Variants in TRPM8 observed in about 807,000 individuals in gnomAD.
The protein encoded by TRPM8 is TRPM8 cationic channel.
Under a neutral mutation model 133.7 loss-of-function variants are expected in TRPM8, and 110 were observed. The observed-to-expected ratio is 0.82, with a 90% CI of 0.70 to 0.96. TRPM8 has a LOEUF of 0.96. TRPM8 is among the 40% of genes least tolerant of loss of function. TRPM8 has a pLI of 0.00. For synonymous variants in TRPM8, 535 were observed against 532.3 expected, an observed-to-expected ratio of 1.01 and a Z score of -0.07; for missense variants, 1,291 against 1,379.5, an observed-to-expected ratio of 0.94 and a Z score of 1.02.
intron 8 of TRPM8, 183 bp downstream of exon 8, chr2:233,947,338 G>A (rs1456416224): frequency 6.5e-7 from 1 of 1,541,354 alleles, no homozygotes; most frequent in Admixed American, 2.0e-5. Flanking sequence ...AAGAAGATTT[G>A]GGAGGAGAAT....
intron 17 of TRPM8, among the ~76,000 whole-genome samples, chr2:233,977,494 G>T (rs1298402345): frequency 1.3e-5 from 2 of 152,194 alleles, no homozygotes; most frequent in Admixed American, 1.3e-4. Context: ...GGTTGGGCTG[G>T]GGCAGTGCCT....
chr2:233,985,313 T>A (rs546349971), intron 20 of TRPM8, among the ~76,000 whole-genome samples: 1 of 152,336 alleles, frequency 6.6e-6, no homozygotes, highest in East Asian at 1.9e-4. Flanking sequence ...ATGAGTTGTC[T>A]CAGTTTATGC....
intron 21 of TRPM8, among the ~76,000 whole-genome samples, chr2:233,986,392 T>C (rs1265142612): frequency 6.6e-6 from 1 of 152,246 alleles, no homozygotes; most frequent in Non-Finnish European, 1.5e-5. Context: ...GTAATTCTCC[T>C]TTATATATTT....
intron 5 of TRPM8, among the ~76,000 whole-genome samples, chr2:233,940,281 TG>T (rs35177121): frequency 0.042 from 6,189 of 145,856 alleles, 158 homozygotes; most frequent in Admixed American, 0.076. Flanking sequence ...AATCTAGACA[TG>T]GGTTTTTTTT....
chr2:233,958,761 C>T (rs1331252990), intron 11 of TRPM8, among the ~76,000 whole-genome samples: 3 of 152,174 alleles, frequency 2.0e-5, no homozygotes. Flanking sequence ...CTTGACAACT[C>T]CTTCTCTAGG....
chr2:234,016,074 G>A (rs1050841958), intron 25 of TRPM8, among the ~76,000 whole-genome samples: 2 of 152,058 alleles, frequency 1.3e-5, no homozygotes, highest in African/African-American at 4.8e-5. Flanking sequence ...TGAGTAAAAC[G>A]GGCAGACAGA....
intron 1 of TRPM8, among the ~76,000 whole-genome samples, chr2:233,923,300 T>G (rs1691446206): frequency 6.6e-6 from 1 of 152,256 alleles, no homozygotes; most frequent in Admixed American, 6.5e-5. Context: ...GGGGAAGATT[T>G]ATTCTGTTGA....
intron 22 of TRPM8, among the ~76,000 whole-genome samples, chr2:234,005,483 C>G (rs1000080152): frequency 7.9e-5 from 12 of 152,166 alleles, no homozygotes; most frequent in African/African-American, 2.9e-4. Context: ...TGGACTCTCT[C>G]ATTGATTTTG....
At chr2:233,965,703 A>T (rs1038516265) in intron 14 of TRPM8, among the ~76,000 whole-genome samples, 1 of 152,200 alleles carries the variant, frequency 6.6e-6, no homozygotes, top group African/African-American at 2.4e-5. Flanking sequence ...ATTTATTAAA[A>T]TTTCAAAGCA....
At chr2:233,986,569 A>T (rs1574763904) in intron 21 of TRPM8, among the ~76,000 whole-genome samples, 1 of 152,202 alleles carries the variant, frequency 6.6e-6, no homozygotes, top group African/African-American at 2.4e-5. Context: ...TAACCAACAC[A>T]TATGCACATT....
At chr2:233,953,188 C>A (rs1054097645) in intron 9 of TRPM8, among the ~76,000 whole-genome samples, 4 of 152,198 alleles carry the variant, frequency 2.6e-5, no homozygotes, top group Admixed American at 1.3e-4. Flanking sequence ...GCTCTTTTTG[C>A]CACCTTCAAA....
intron 12 of TRPM8, among the ~76,000 whole-genome samples, chr2:233,962,764 T>C (rs1405757731): frequency 1.3e-5 from 2 of 152,242 alleles, no homozygotes; most frequent in Admixed American, 6.5e-5. Context: ...TATATCCATT[T>C]AGTTGTTTTC....
intron 2 of TRPM8, among the ~76,000 whole-genome samples, chr2:233,926,860 T>G (rs1174301652): frequency 6.6e-6 from 1 of 152,174 alleles, no homozygotes; most frequent in Admixed American, 6.5e-5. Flanking sequence ...GGTCTCAGTT[T>G]GGGTCCATCT....
intron 14 of TRPM8, among the ~76,000 whole-genome samples, chr2:233,965,618 G>A (rs1254603754): frequency 6.6e-6 from 1 of 152,112 alleles, no homozygotes; most frequent in Admixed American, 6.5e-5. Flanking sequence ...TTTGTCTAGT[G>A]TCTTATCAAA....
In TRPM8 at chr2:233,955,262, G is replaced by T; in HGVS notation, c.1362+12G>T. On this transcript the variant is annotated intron_variant, in intron 11 of 25. Transcript: ENST00000324695. ...ACCGCCGATGGGAGGTAAGCACGAA[G>T]CTCTCCTGGGTTATTCCAGTGTTGG... 1 of 1,601,726 alleles carries T rather than the reference G, an allele frequency of 6.2e-7. No homozygotes were observed. Among genetic ancestry groups the T allele is most frequent in the Non-Finnish European group, 8.6e-7 (1 of 1,168,928 alleles).
intron 22 of TRPM8, among the ~76,000 whole-genome samples, chr2:234,000,651 C>A (rs1428868540): frequency 6.7e-6 from 1 of 150,058 alleles, no homozygotes; most frequent in African/African-American, 2.5e-5. Flanking sequence ...TAGGAGCCTT[C>A]ATAAGGAAAG....
intron 20 of TRPM8, among the ~76,000 whole-genome samples, chr2:233,983,733 G>A (rs551619872): frequency 6.6e-6 from 1 of 152,304 alleles, no homozygotes; most frequent in African/African-American, 2.4e-5. Context: ...AAAGTGAGGG[G>A]CTATGTAAAT....
intron 6 of TRPM8, among the ~76,000 whole-genome samples, chr2:233,944,833 G>T (rs1277919255): frequency 1.3e-5 from 2 of 152,126 alleles, no homozygotes; most frequent in East Asian, 3.9e-4. Flanking sequence ...TATGTACTAG[G>T]TTCTATTCTA....
intron 25 of TRPM8, among the ~76,000 whole-genome samples, chr2:234,016,210 T>C (rs558764031): frequency 8.9e-4 from 135 of 151,594 alleles, no homozygotes; most frequent in Middle Eastern, 6.8e-3. Flanking sequence ...TGTGTGTGGG[T>C]GTAGACATTT....
Sources: allele counts gnomAD v4.1 joint callset (sites outside exome capture counted in the v4.1 genomes callset), GRCh38; gene constraint gnomAD v4.1.1; transcripts MANE v1.5; gene names NCBI Gene and HGNC (gene_info 2026-07-23, HGNC 2026-07-21).